CCDC14: variants seen among roughly 807,000 people sequenced by gnomAD.
The protein encoded by CCDC14 is coiled-coil domain-containing protein 14.
Under a neutral mutation model 81.4 loss-of-function variants are expected in CCDC14, and 71 were observed. That is an observed-to-expected ratio of 0.87 (90% confidence interval 0.72 to 1.06). The LOEUF is 1.06. Ranked by LOEUF, CCDC14 falls within the 50% of genes least tolerant of loss-of-function variation. The pLI, the probability that CCDC14 is intolerant of heterozygous loss-of-function variation, is 0.00. For synonymous variants in CCDC14, 332 were observed against 364.8 expected (o/e 0.91, Z 1.03); for missense variants, 1,046 against 1,047.3 (o/e 1.00, Z 0.02).
At chr3:123,949,366 AT>A in intron 5 of CCDC14, 1 of 468,558 alleles carries the variant, frequency 2.1e-6, no homozygotes, top group South Asian at 3.7e-5. Context: ...TACAATTCCC[AT>A]TTTTTATGCT....
the CCDC14 span, among the ~76,000 whole-genome samples, chr3:123,890,730 T>C: frequency 6.6e-6 from 1 of 152,146 alleles, no homozygotes; most frequent in Non-Finnish European, 1.5e-5. Context: ...TGAGTGTCTG[T>C]GGTTTTCCAG....
chr3:123,925,740 G>A (rs948239285), intron 12 of CCDC14, among the ~76,000 whole-genome samples: 3 of 152,034 alleles, frequency 2.0e-5, no homozygotes, highest in Non-Finnish European at 4.4e-5. Context: ...CCAGCCTAGG[G>A]TGATTATACT....
At chr3:123,895,620 T>G (rs2700363), downstream of CCDC14, among the ~76,000 whole-genome samples, 20,941 of 152,178 alleles carry the variant, frequency 0.14, 2,489 homozygotes, top group East Asian at 0.36. Flanking sequence ...GGGGAATAAT[T>G]TTTTTGTTTG....
rs765402801 is a variant in CCDC14, at chr3:123,931,296, C to G, written c.1645+12G>C. The G allele has an allele frequency of 6.4e-7, 1 of 1,561,352 alleles. No homozygotes were observed. Among genetic ancestry groups the G allele is most frequent in the Non-Finnish European group, 8.7e-7 (1 of 1,149,716 alleles). ...TAAAAGATGTGACCATAACTACTGTCTAAATACGTACCAATTTTTATTCTT... is the reference window on the plus strand; with the variant it reads ...TAAAAGATGTGACCATAACTACTGTGTAAATACGTACCAATTTTTATTCTT... On this transcript the variant is annotated intron_variant, in intron 11 of 12. Coordinates refer to ENST00000409697, the MANE Select transcript of CCDC14 (RefSeq NM_001366335.1).
chr3:123,916,735 TAAGATA>T (rs1486530491), intron 12 of CCDC14, among the ~76,000 whole-genome samples: 1 of 152,144 alleles, frequency 6.6e-6, no homozygotes, highest in Non-Finnish European at 1.5e-5. Flanking sequence ...GAAGATTAAA[TAAGATA>T]AAATAATAAG....
intron 1 of CCDC14, 146 bp from the exon 2 acceptor site, chr3:123,956,941 T>G: frequency 2.0e-6 from 1 of 507,202 alleles, no homozygotes; most frequent in Non-Finnish European, 3.5e-6. Flanking sequence ...TACCTTTCCA[T>G]CCCCTCTTCT....
intron 12 of CCDC14, among the ~76,000 whole-genome samples, chr3:123,921,163 A>T (rs768730703): frequency 1.3e-5 from 2 of 152,226 alleles, no homozygotes; most frequent in African/African-American, 2.4e-5. Flanking sequence ...TACAAAATAA[A>T]TTACAAAATG....
chr3:123,939,997 AAAAAT>A (rs1326648617), intron 9 of CCDC14, among the ~76,000 whole-genome samples: 1 of 151,862 alleles, frequency 6.6e-6, no homozygotes, highest in African/African-American at 2.4e-5. Context: ...ACAAATGGTT[AAAAAT>A]AAAAAGGTAA....
rs2035704081 is a variant in CCDC14, at chr3:123,931,472, A to G, written c.1481T>C (p.Leu494Pro). 2 of 1,577,948 alleles carry G rather than the reference A, an allele frequency of 1.3e-6. No homozygotes were observed. Among genetic ancestry groups the G allele is most frequent in the East Asian group, 2.3e-5 (1 of 43,822 alleles). ...MSLQNQLEES[L>P]KSQELLQSKN... ...ACTCTGCAGTAATTCCTGGCTCTTT[A>G]GTGACTCCTCCAATTGATTTTGCAG... is the stretch of plus-strand genomic sequence containing the variant. The change falls in exon 11 of 13, where the codon CTA becomes CCA. Residue 494 changes from leucine to proline, a missense_variant. Leu to Pro is a moderately conservative substitution (Grantham distance 98). Transcript: ENST00000409697.
chr3:123,948,887 C>T lies in CCDC14; in HGVS notation c.589+9G>A, dbSNP rs974646188. 39 of 1,607,818 alleles carry T rather than the reference C, an allele frequency of 2.4e-5. No homozygotes were observed. The East Asian group carries it at 6.2e-4, about 26-fold the overall frequency. ...ACACTCACGATTTTTAAACAGCATT[C>T]GTACTCACCAGAATGAGAGGGAGCA... On this transcript the variant is annotated intron_variant, in intron 6 of 12. Coordinates refer to ENST00000409697, the MANE Select transcript of CCDC14 (RefSeq NM_001366335.1).
chr3:123,939,736 A>C (rs2148892272), intron 9 of CCDC14, among the ~76,000 whole-genome samples: 1 of 152,018 alleles, frequency 6.6e-6, no homozygotes, highest in East Asian at 1.9e-4. Flanking sequence ...TGTTAGAGTG[A>C]GTGTTAGGCA....
At chr3:123,952,382 T>C (rs527668440) in intron 5 of CCDC14, among the ~76,000 whole-genome samples, 16 of 152,274 alleles carry the variant, frequency 1.1e-4, no homozygotes, top group African/African-American at 3.9e-4. Context: ...TTTTTGCCTG[T>C]GGTTGGTTTA....
chr3:123,932,095 A>T (rs1274131156), intron 10 of CCDC14, among the ~76,000 whole-genome samples: 1 of 152,214 alleles, frequency 6.6e-6, no homozygotes, highest in African/African-American at 2.4e-5. Flanking sequence ...ATACATGCTC[A>T]GCGAATGCTT....
intron 5 of CCDC14, chr3:123,954,403 CAATAA>C (rs1291622720): frequency 6.6e-6 from 1 of 152,114 alleles, no homozygotes; most frequent in Admixed American, 6.5e-5. Flanking sequence ...CTTATTTACA[CAATAA>C]AATAACTAAA....
chr3:123,939,187 G>A (rs958640153), intron 9 of CCDC14, among the ~76,000 whole-genome samples: 9 of 151,616 alleles, frequency 5.9e-5, no homozygotes, highest in South Asian at 2.1e-4. Context: ...AGAGATTCTC[G>A]GGGCATACTT....
rs969420286 is a variant in CCDC14, at chr3:123,914,631, A to C, written c.*148T>G. 5.9e-6 allele frequency: 8 copies of C among 1,348,498 alleles called. No homozygotes were observed. Among genetic ancestry groups the C allele is most frequent in the Non-Finnish European group, 5.7e-6 (6 of 1,053,774 alleles). The allele number at this position is 1,348,498 out of a possible 1,614,324, so 83.5% of individuals were successfully genotyped here. ...TGTTTTTATAAGCTCCTCAGTGTCA[A>C]TATATCTCAACAATACATTTATTAC... On this transcript the variant is annotated 3_prime_UTR_variant, in exon 13 of 13. Coordinates refer to ENST00000409697, the MANE Select transcript of CCDC14 (RefSeq NM_001366335.1).
chr3:123,946,920 G>A lies in CCDC14; in HGVS notation c.1084C>T (p.Arg362Ter), dbSNP rs200601158. ...SERKDLNIHV[R>*]DTKTVKDVQK... is the part of the protein sequence containing the mutation. ...ACATCCTTCACTGTTTTTGTATCTC[G>A]CACATGTATGTTTAAATCCTTTCTT... The change falls in exon 8 of 13, where the codon CGA (arginine) becomes TGA (stop). Residue 362 changes from arginine to a stop codon, truncating the protein, a stop_gained. Coordinates refer to ENST00000409697, the MANE Select transcript of CCDC14 (RefSeq NM_001366335.1). LOFTEE classifies it high-confidence loss of function. 93 of 1,613,622 alleles carry A rather than the reference G, an allele frequency of 5.8e-5. No homozygotes were observed. Among genetic ancestry groups the A allele is most frequent in the South Asian group, 7.7e-5 (7 of 91,076 alleles).
chr3:123,931,092 T>G lies in CCDC14; in HGVS notation c.1778+10A>C. The G allele has an allele frequency of 6.4e-7, 1 of 1,562,498 alleles. No individual in the cohort carries two copies. The highest frequency in any genetic ancestry group is 1.4e-5 in the African/African-American group (1 of 72,202). On this transcript the variant is annotated intron_variant, in intron 12 of 12. Transcript: ENST00000409697. Reference sequence around the variant, plus strand: ...AAAGGCATGAGTTATTCAAAGGAAGTCAATTTTACCTGGTTAATTCTCTTA... The same window carrying G: ...AAAGGCATGAGTTATTCAAAGGAAGGCAATTTTACCTGGTTAATTCTCTTA...
downstream of CCDC14, among the ~76,000 whole-genome samples, chr3:123,893,365 G>T (rs2034016124): frequency 1.3e-5 from 2 of 151,972 alleles, no homozygotes; most frequent in Non-Finnish European, 2.9e-5. Flanking sequence ...ATTTCATTCA[G>T]TGTAATGTTT....
Sources: gnomAD v4.1 joint callset for allele counts (sites outside exome capture counted in the v4.1 genomes callset) on GRCh38, gnomAD v4.1.1 for gene constraint, MANE v1.5 for transcripts, NCBI Gene and HGNC (gene_info 2026-07-23, HGNC 2026-07-21) for gene names.